SYNE1: variants seen among roughly 807,000 people sequenced by gnomAD.
SYNE1 encodes the protein nesprin-1.
Under a neutral mutation model 1,111.0 loss-of-function variants are expected in SYNE1, and 616 were observed. The observed-to-expected ratio is 0.55, with a 90% confidence interval of 0.52 to 0.59. The LOEUF (loss-of-function observed/expected upper bound fraction) is 0.59. SYNE1 is among the 20% of genes least tolerant of loss of function. The pLI is 0.00. For missense variants in SYNE1, 10,006 were observed against 10,417.0 expected, an observed-to-expected ratio of 0.96 and a Z score of 1.72; for synonymous variants, 3,855 against 3,825.8, an observed-to-expected ratio of 1.01 and a Z score of -0.28.
chr6:152,156,095 C>A lies in SYNE1; in HGVS notation c.23793G>T (p.Glu7931Asp), dbSNP rs755856886. 5.6e-6 allele frequency: 9 copies of A among 1,614,162 alleles called. No homozygotes were observed. The East Asian group carries it at 1.8e-4, about 32-fold the overall frequency. ...TGTGCTTCTCTATGTCTCTCTGAAG[C>A]TCCTGCAGGGGAACGTAACAGGCTT... Reference protein sequence around the residue: ...EIQRKLNEQQELQRDIEKHST... With the variant: ...EIQRKLNEQQDLQRDIEKHST... Residue 7931 changes from glutamate (E) to aspartate (D), a missense_variant and splice_region_variant, in exon 132 of 146, where the codon GAG becomes GAT. By Grantham distance (45) the Glu-to-Asp change is conservative. Around this residue, in one of 7 missense-constraint regions of SYNE1, gnomAD observed 2,182 missense variants for 2,287.8 expected, o/e 0.95. Transcript: ENST00000367255.
chr6:152,468,760 T>A (rs1593317065), intron 16 of SYNE1, among the ~76,000 whole-genome samples: 1 of 152,136 alleles, frequency 6.6e-6, no homozygotes, highest in Non-Finnish European at 1.5e-5. Flanking sequence ...GCATGTAGCT[T>A]ATTATAATAC....
At chr6:152,133,693 G>GAGGGT (rs2056390345) in intron 142 of SYNE1, 1 of 599,648 alleles carries the variant, frequency 1.7e-6, no homozygotes, top group South Asian at 2.0e-5. Flanking sequence ...ACCCCTGACC[G>GAGGGT]TCTCTGATCT....
At chr6:152,383,069 A>G (rs1305188627) in intron 55 of SYNE1, among the ~76,000 whole-genome samples, 1 of 152,098 alleles carries the variant, frequency 6.6e-6, no homozygotes, top group Non-Finnish European at 1.5e-5. Flanking sequence ...GAGGTGCTTT[A>G]TGTATTTCCT....
intron 90 of SYNE1, 46 bp from the exon 91 acceptor site, chr6:152,308,678 T>C: frequency 6.3e-7 from 1 of 1,580,720 alleles, no homozygotes. Context: ...TTTTTTTCTC[T>C]ACCAATAACT....
At chr6:152,490,738 C>T (rs748637665) in intron 11 of SYNE1, among the ~76,000 whole-genome samples, 12 of 152,168 alleles carry the variant, frequency 7.9e-5, no homozygotes, top group Non-Finnish European at 1.5e-4. Context: ...CACGGACACA[C>T]GTGACATTTG....
At chr6:152,223,533 G>A (rs937698085) in intron 117 of SYNE1, among the ~76,000 whole-genome samples, 1 of 152,102 alleles carries the variant, frequency 6.6e-6, no homozygotes, top group Non-Finnish European at 1.5e-5. Flanking sequence ...GCAGAGAATT[G>A]CTTAAACCCG....
rs1192925822 is a variant in SYNE1 at position 152,456,020 on chromosome 6, A to T, written c.2593T>A (p.Cys865Ser). The T allele has an allele frequency of 6.2e-7, 1 of 1,613,790 alleles. No homozygotes were observed. The highest frequency in any genetic ancestry group is 1.7e-5 in the Admixed American group (1 of 60,022). ...TCAATAAGTGTCAAGGTTTTCTTAC[A>T]GTTTTCTTGACAAGCTAACAGTTCC... ...HQELLACQEN[C>S]KKTLTLIEKG... is the part of the protein sequence containing the mutation. The change falls in exon 23 of 146, where the codon TGT becomes AGT. Residue 865 changes from cysteine to serine, a missense_variant. Physicochemically the swap from Cys to Ser is moderately radical, Grantham distance 112. Transcript: ENST00000367255.
rs17082429 is a variant in SYNE1, at chr6:152,305,730, T to C, written c.17346+2759A>G. Among the ~76,000 whole-genome samples, 222 of 152,332 alleles carry C rather than the reference T, an allele frequency of 1.5e-3. 4 individuals are homozygous for C. In the East Asian group the frequency reaches 0.037, roughly 25 times the overall value. On this transcript the variant is annotated intron_variant, in intron 91 of 145. Transcript: ENST00000367255. ...TTCCCAATTTGTATGTTATCATCAG[T>C]TAAGCTTTCTCCACTCAGCACTTTC...
rs201181512 is a variant in SYNE1, at chr6:152,155,080, G to T, written c.23979-38C>A. On this transcript the variant is annotated intron_variant, in intron 132 of 145. Coordinates refer to ENST00000367255, the MANE Select transcript of SYNE1 (RefSeq NM_182961.4). The stretch of plus-strand genomic sequence containing the variant: ...ATGAAAGAACAGATTCAGATTATTG[G>T]AGACTGTTTTCGCTCCAGAACCCGG... The T allele has an allele frequency of 5.0e-6, 8 of 1,613,700 alleles. No homozygotes were observed. In the East Asian group the frequency reaches 1.8e-4, roughly 36 times the overall value.
At chr6:152,450,112 G>T (rs551469493) in intron 27 of SYNE1, among the ~76,000 whole-genome samples, 8 of 152,228 alleles carry the variant, frequency 5.3e-5, no homozygotes, top group Admixed American at 2.0e-4. Flanking sequence ...CATGGGGGCA[G>T]TTACCCCGCT....
chr6:152,502,520 T>C (rs1594139491), intron 10 of SYNE1, 113 bp downstream of exon 10: 12 of 804,886 alleles, frequency 1.5e-5, no homozygotes, highest in African/African-American at 3.4e-5. Flanking sequence ...TTAAAATCAG[T>C]TGGTCTCATA....
intron 145 of SYNE1, chr6:152,129,020 C>T (rs2152652835): frequency 6.6e-6 from 1 of 152,330 alleles, no homozygotes; most frequent in Non-Finnish European, 1.5e-5. Context: ...GTGCTGAATG[C>T]TCAGAAAGAT....
chr6:152,307,896 G>A (rs1467122045), intron 91 of SYNE1, among the ~76,000 whole-genome samples: 3 of 152,124 alleles, frequency 2.0e-5, no homozygotes, highest in Non-Finnish European at 4.4e-5. Flanking sequence ...GCAGTGGCGC[G>A]ATCTTGGCTC....
rs752786683 is a variant in SYNE1 at position 152,339,379 on chromosome 6, G to T, written c.12226-13C>A. The T allele has an allele frequency of 6.2e-7, 1 of 1,612,984 alleles. No homozygotes were observed. Among genetic ancestry groups the T allele is most frequent in the Non-Finnish European group, 8.5e-7 (1 of 1,179,282 alleles). Reference sequence around the variant, plus strand: ...TGAAGTGTTTGACCTGGAAAAGGCAGTTATCAGAGTGAAAGAGATGCATCA... The same window carrying T: ...TGAAGTGTTTGACCTGGAAAAGGCATTTATCAGAGTGAAAGAGATGCATCA... On this transcript the variant is annotated splice_polypyrimidine_tract_variant and intron_variant, in intron 74 of 145. Transcript: ENST00000367255.
Position 152,231,568 on chromosome 6 carries a change from C to CT in SYNE1, c.20863-2dup. 1.9e-6 allele frequency: 3 copies of CT among 1,610,776 alleles called. No homozygotes were observed. The highest frequency in any genetic ancestry group is 2.5e-6 in the Non-Finnish European group (3 of 1,178,700). On this transcript the variant is annotated splice_acceptor_variant, in intron 113 of 145. Coordinates refer to ENST00000367255, the MANE Select transcript of SYNE1 (RefSeq NM_182961.4). LOFTEE classifies it high-confidence loss of function. ...TACAGTTAATGTCTATCTTAAAACC[C>CT]TAAAAAAAAAGAGGAGAAAATAAGA...
chr6:152,253,817 G>GTT (rs1491115589), intron 104 of SYNE1, among the ~76,000 whole-genome samples: 2,740 of 59,128 alleles, frequency 0.046, 1,087 homozygotes, highest in Non-Finnish European at 0.054. Flanking sequence ...GTAGTGGTTT[G>GTT]GTTTTTTTTT....
At position 152,419,547 on chromosome 6, in the gene SYNE1, A is replaced by G. The variant is rs541787074; in HGVS notation, c.5421+22T>C. ...TATGAAGAAATTCTTCTTCAATCTT[A>G]AAAAAAAAAAAACCACTTTACCTTA... On this transcript the variant is annotated intron_variant, in intron 40 of 145. Transcript: ENST00000367255. 4.9e-5 allele frequency: 37 copies of G among 762,452 alleles called. No individual in the cohort carries two copies. In the East Asian group the frequency reaches 1.2e-3, roughly 24 times the overall value. The allele number at this position is 762,452 out of a possible 1,614,324, so 47.2% of individuals were successfully genotyped here. A position where few individuals can be genotyped will look rare whatever the true frequency, so the allele number is the denominator to read the frequency against.
In SYNE1 at chr6:152,323,626, A is replaced by ACGTGTC; in HGVS notation, c.15763_15768dup (p.Asp5255_Thr5256dup). The ACGTGTC allele has an allele frequency of 6.2e-7, 1 of 1,614,166 alleles. No homozygotes were observed. The highest frequency in any genetic ancestry group is 8.5e-7 in the Non-Finnish European group (1 of 1,180,024). ...TGCTGCTGCTCCAGCTCCAGAACGA[A>ACGTGTC]CGTGTCGTGGTATTCAAGAAGAGTT... On this transcript the variant is annotated inframe_insertion, in exon 82 of 146. Transcript: ENST00000367255.
In SYNE1 at chr6:152,149,570, C is replaced by T. The variant is rs755622688; in HGVS notation, c.24549G>A (p.Ala8183=). The part of the protein sequence containing the change: ...LIEKSEPLDA[A]IIEEELDELR... ...GCTCATCTAGTTCCTCCTCGATGAT[C>T]GCTGCATCCAAGGGCTCACTCTTTT... Residue 8183 remains alanine, a synonymous_variant, in exon 136 of 146, where the codon GCG becomes GCA. Transcript: ENST00000367255. 4.3e-6 allele frequency: 7 copies of T among 1,614,032 alleles called. No homozygotes were observed. Among genetic ancestry groups the T allele is most frequent in the South Asian group, 2.2e-5 (2 of 91,084 alleles).
Sources: gnomAD v4.1 joint callset for allele counts (sites outside exome capture counted in the v4.1 genomes callset) on GRCh38, gnomAD v4.1.1 for gene constraint, gnomAD v4.1.1 regional missense constraint, MANE v1.5 for transcripts, NCBI Gene and HGNC (gene_info 2026-07-23, HGNC 2026-07-21) for gene names.